Variants in ALK observed in about 807,000 individuals in gnomAD.
ALK encodes ALK receptor tyrosine kinase, also known as ALK tyrosine kinase receptor.
Under a neutral mutation model 163.1 loss-of-function variants are expected in ALK, and 74 were observed. That is an observed-to-expected ratio of 0.45 (90% CI 0.38 to 0.55). The LOEUF (loss-of-function observed/expected upper bound fraction) is 0.55. Ranked by LOEUF, ALK falls within the 20% of genes least tolerant of loss-of-function variation. The pLI is 0.00. For missense variants in ALK, 2,063 were observed against 2,105.3 expected (o/e 0.98, Z 0.39); for synonymous variants, 960 against 843.2 (o/e 1.14, Z -2.40).
intron 4 of ALK, among the ~76,000 whole-genome samples, chr2:29,434,751 C>T (rs563565063): frequency 5.3e-4 from 80 of 152,248 alleles, no homozygotes; most frequent in African/African-American, 1.9e-3. Context: ...GTATAATAAC[C>T]ACTTTCAATG....
At chr2:29,403,250 C>T (rs892360722) in intron 4 of ALK, among the ~76,000 whole-genome samples, 3 of 152,172 alleles carry the variant, frequency 2.0e-5, no homozygotes, top group South Asian at 2.1e-4. Context: ...AAGCGGAATC[C>T]TTTGGCACTT....
At chr2:29,210,226 C>G (rs1301621713) in intron 24 of ALK, among the ~76,000 whole-genome samples, 1 of 152,166 alleles carries the variant, frequency 6.6e-6, no homozygotes, top group Non-Finnish European at 1.5e-5. Context: ...TTATAAGACA[C>G]AAGGTGCTAT....
At chr2:29,396,274 G>T (rs1669300966) in intron 4 of ALK, among the ~76,000 whole-genome samples, 1 of 152,190 alleles carries the variant, frequency 6.6e-6, no homozygotes, top group Admixed American at 6.5e-5. Context: ...GGAAATCACT[G>T]TGTCTAATCC....
intron 1 of ALK, among the ~76,000 whole-genome samples, chr2:29,876,708 ATGG>A (rs1666729860): frequency 7.3e-6 from 1 of 137,730 alleles, no homozygotes; most frequent in Admixed American, 7.0e-5. Context: ...AGTGATGGTG[ATGG>A]TGGTGATGGT....
chr2:29,347,563 T>C (rs1194445081), intron 5 of ALK, among the ~76,000 whole-genome samples: 1 of 152,224 alleles, frequency 6.6e-6, no homozygotes, highest in Non-Finnish European at 1.5e-5. Context: ...CTTTGTGTCA[T>C]CAAGCAAAGA....
At chr2:29,562,955 G>A (rs1168587895) in intron 3 of ALK, among the ~76,000 whole-genome samples, 4 of 152,128 alleles carry the variant, frequency 2.6e-5, no homozygotes, top group South Asian at 4.1e-4. Flanking sequence ...AAGATCAAAT[G>A]CAAATCACAT....
chr2:29,897,350 A>G (rs1667298320), intron 1 of ALK, among the ~76,000 whole-genome samples: 1 of 152,116 alleles, frequency 6.6e-6, no homozygotes, highest in Non-Finnish European at 1.5e-5. Context: ...AAAAAAAATT[A>G]ATTAATAAAT....
At chr2:29,752,254 T>C (rs1343510890) in intron 1 of ALK, among the ~76,000 whole-genome samples, 1 of 152,182 alleles carries the variant, frequency 6.6e-6, no homozygotes, top group Non-Finnish European at 1.5e-5. Context: ...CTTGTGTAAG[T>C]GTTCCGAGCA....
intron 11 of ALK, among the ~76,000 whole-genome samples, chr2:29,273,839 G>A (rs1467123258): frequency 1.3e-5 from 2 of 152,192 alleles, no homozygotes. Flanking sequence ...AGAGAGTGGA[G>A]GTGAATCACT....
intron 23 of ALK, among the ~76,000 whole-genome samples, chr2:29,220,334 A>AATG (rs1416166184): frequency 1.3e-5 from 2 of 152,132 alleles, no homozygotes; most frequent in African/African-American, 4.8e-5. Context: ...CACCTTCTGC[A>AATG]ATGATTGTAA....
At chr2:29,716,708 G>C (rs1385779868) in intron 2 of ALK, among the ~76,000 whole-genome samples, 1 of 152,076 alleles carries the variant, frequency 6.6e-6, no homozygotes, top group African/African-American at 2.4e-5. Flanking sequence ...AATTGGACCT[G>C]GTCTCTTCAT....
intron 3 of ALK, among the ~76,000 whole-genome samples, chr2:29,564,444 C>CA (rs1183985036): frequency 7.4e-5 from 8 of 107,864 alleles, no homozygotes; most frequent in South Asian, 2.8e-4. Context: ...TACCACCACC[C>CA]CCACCGCCAC....
chr2:29,785,846 G>C (rs1663999114), intron 1 of ALK, among the ~76,000 whole-genome samples: 1 of 151,272 alleles, frequency 6.6e-6, no homozygotes, highest in African/African-American at 2.4e-5. Flanking sequence ...CATTCCCTTG[G>C]TATCAGGAAG....
At chr2:29,735,516 C>T (rs1247896904) in intron 1 of ALK, among the ~76,000 whole-genome samples, 2 of 151,928 alleles carry the variant, frequency 1.3e-5, no homozygotes, top group Admixed American at 6.6e-5. Flanking sequence ...TCATTATGTA[C>T]CAGGTGCTAG....
chr2:29,837,354 G>A (rs576458952), intron 1 of ALK, among the ~76,000 whole-genome samples: 1 of 151,840 alleles, frequency 6.6e-6, no homozygotes, highest in African/African-American at 2.4e-5. Context: ...GCACCAGAAA[G>A]AAGGGAGCAG....
chr2:29,563,371 A>G (rs891534483), intron 3 of ALK, among the ~76,000 whole-genome samples: 3 of 152,220 alleles, frequency 2.0e-5, no homozygotes, highest in Admixed American at 6.5e-5. Context: ...GGAGCAGGGA[A>G]GTACCAGAAA....
chr2:29,905,729 T>TC (rs1357552454), intron 1 of ALK, among the ~76,000 whole-genome samples: 1 of 151,950 alleles, frequency 6.6e-6, no homozygotes, highest in African/African-American at 2.4e-5. Context: ...TTTTGTGCTT[T>TC]CCCCCTTGGC....
rs780401491 is a variant in ALK at position 29,297,037 on chromosome 2, A to G, written c.1668T>C (p.Ile556=). The G allele has an allele frequency of 2.5e-6, 4 of 1,614,196 alleles. No homozygotes were observed. In the South Asian group the frequency reaches 4.4e-5, roughly 18 times the overall value. Reference sequence around the variant, plus strand: ...ACACGTTTCCCCTCAAGACTCCACGAATGAGCCAGGACATTCGGAGCTGTG... The same window carrying G: ...ACACGTTTCCCCTCAAGACTCCACGGATGAGCCAGGACATTCGGAGCTGTG... ...SPCELRMSWL[I]RGVLRGNVSL... The change falls in exon 9 of 29, where the codon ATT becomes ATC. Residue 556 remains isoleucine, a synonymous_variant. Coordinates refer to ENST00000389048, the MANE Select transcript of ALK (RefSeq NM_004304.5).
At chr2:29,694,576 C>T (rs1170092988) in intron 3 of ALK, among the ~76,000 whole-genome samples, 1 of 152,226 alleles carries the variant, frequency 6.6e-6, no homozygotes, top group Non-Finnish European at 1.5e-5. Flanking sequence ...CCGATCAGCA[C>T]TTTCTCCTGC....
Sources: gnomAD v4.1 joint callset for allele counts (sites outside exome capture counted in the v4.1 genomes callset) on GRCh38, gnomAD v4.1.1 for gene constraint, MANE v1.5 for transcripts, NCBI Gene and HGNC (gene_info 2026-07-23, HGNC 2026-07-21) for gene names.